The following SORCS3 variants were observed in gnomAD, a reference collection of about 807,000 sequenced individuals.
SORCS3 encodes the protein VPS10 domain-containing receptor SorCS3.
SORCS3 carries 57 observed loss-of-function variants against 146.3 expected under a neutral mutation model. The ratio of observed to expected loss-of-function variants is 0.39; its 90% CI spans 0.31 to 0.49. The LOEUF (loss-of-function observed/expected upper bound fraction) is 0.49. SORCS3 is among the 20% of genes least tolerant of loss of function. SORCS3 has a pLI of 0.92. For synonymous variants in SORCS3, 653 were observed against 618.5 expected (o/e 1.06, Z -0.83); for missense variants, 1,341 against 1,575.5 (o/e 0.85, Z 2.52).
At chr10:104,965,480 T>C (rs1048617198) in intron 3 of SORCS3, among the ~76,000 whole-genome samples, 1 of 152,242 alleles carries the variant, frequency 6.6e-6, no homozygotes, top group Admixed American at 6.5e-5. Flanking sequence ...TTTTAATTAT[T>C]TGTTGAACCA....
chr10:105,047,842 G>A (rs994526224), intron 5 of SORCS3, among the ~76,000 whole-genome samples: 1 of 152,076 alleles, frequency 6.6e-6, no homozygotes, highest in African/African-American at 2.4e-5. Flanking sequence ...TGAGGGAAGG[G>A]AGGAAGAATG....
intron 17 of SORCS3, among the ~76,000 whole-genome samples, chr10:105,212,418 GT>G (rs1413309346): frequency 6.6e-6 from 1 of 152,192 alleles, no homozygotes; most frequent in Non-Finnish European, 1.5e-5. Context: ...AGGAAAGGGA[GT>G]ATTATGCGCA....
chr10:105,220,181 G>T (rs2056692220), intron 19 of SORCS3, among the ~76,000 whole-genome samples: 1 of 152,014 alleles, frequency 6.6e-6, no homozygotes, highest in East Asian at 1.9e-4. Context: ...TTGATCCTTG[G>T]TTTGTCTCCA....
chr10:105,166,953 G>T (rs541731548), intron 12 of SORCS3, among the ~76,000 whole-genome samples: 1 of 152,126 alleles, frequency 6.6e-6, no homozygotes, highest in South Asian at 2.1e-4. Flanking sequence ...TCATACTTCC[G>T]TTGGGTTACC....
intron 2 of SORCS3, among the ~76,000 whole-genome samples, chr10:104,852,934 C>T (rs1410062810): frequency 6.6e-6 from 1 of 152,190 alleles, no homozygotes; most frequent in South Asian, 2.1e-4. Context: ...TGGAGCTGTG[C>T]TTGAGATAAG....
chr10:104,898,619 T>C (rs1479999200), intron 2 of SORCS3, among the ~76,000 whole-genome samples: 1 of 152,226 alleles, frequency 6.6e-6, no homozygotes, highest in Non-Finnish European at 1.5e-5. Flanking sequence ...CAGCCTTTAT[T>C]CATTGACTGA....
At chr10:105,136,417 T>C (rs547200873) in intron 7 of SORCS3, among the ~76,000 whole-genome samples, 1 of 152,334 alleles carries the variant, frequency 6.6e-6, no homozygotes, top group South Asian at 2.1e-4. Context: ...CACCTCTTAA[T>C]ACTGTTGCAT....
intron 1 of SORCS3, among the ~76,000 whole-genome samples, chr10:104,762,749 A>G (rs2017136502): frequency 6.6e-6 from 1 of 152,188 alleles, no homozygotes; most frequent in Non-Finnish European, 1.5e-5. Context: ...TCCTGGTGCC[A>G]TGTAAGACAT....
intron 14 of SORCS3, among the ~76,000 whole-genome samples, chr10:105,178,616 AAC>A (rs2056423439): frequency 6.6e-6 from 1 of 151,478 alleles, no homozygotes; most frequent in South Asian, 2.1e-4. Flanking sequence ...CACACACACA[AAC>A]ACACACAGAC....
intron 25 of SORCS3, among the ~76,000 whole-genome samples, chr10:105,260,964 T>C (rs1055069159): frequency 6.6e-6 from 1 of 152,166 alleles, no homozygotes; most frequent in Non-Finnish European, 1.5e-5. Context: ...TTGACAAATA[T>C]AGTATAGTAA....
At chr10:105,215,038 C>T (rs575056489) in intron 18 of SORCS3, among the ~76,000 whole-genome samples, 1 of 152,296 alleles carries the variant, frequency 6.6e-6, no homozygotes, top group South Asian at 2.1e-4. Flanking sequence ...GCCCACAAAG[C>T]TTTCACAAGG....
At chr10:105,034,014 A>C (rs1176617221) in intron 4 of SORCS3, among the ~76,000 whole-genome samples, 2 of 152,188 alleles carry the variant, frequency 1.3e-5, no homozygotes, top group Non-Finnish European at 2.9e-5. Context: ...CATACCTGGC[A>C]CAGTATTAAG....
At chr10:105,104,608 A>G (rs878867183) in intron 6 of SORCS3, among the ~76,000 whole-genome samples, 1 of 152,248 alleles carries the variant, frequency 6.6e-6, no homozygotes, top group Non-Finnish European at 1.5e-5. Flanking sequence ...TGTTGTAAAA[A>G]TAATAAAAAT....
chr10:105,057,016 A>G (rs1327626495), intron 5 of SORCS3, among the ~76,000 whole-genome samples: 2 of 152,212 alleles, frequency 1.3e-5, no homozygotes, highest in East Asian at 1.9e-4. Context: ...TAGTGGCAGA[A>G]TATTCCACTG....
At chr10:105,181,512 C>T (rs998492712) in intron 14 of SORCS3, among the ~76,000 whole-genome samples, 5 of 152,084 alleles carry the variant, frequency 3.3e-5, no homozygotes, top group African/African-American at 4.8e-5. Flanking sequence ...GCCCAATTTC[C>T]ACTTTTCCTG....
chr10:105,257,073 T>G (rs934599127), intron 25 of SORCS3, 149 bp downstream of exon 25: 8 of 659,524 alleles, frequency 1.2e-5, no homozygotes, highest in African/African-American at 3.6e-5. Flanking sequence ...GCAAGAATGG[T>G]TGAGGGTCAT....
intron 8 of SORCS3, among the ~76,000 whole-genome samples, chr10:105,145,388 C>T (rs1157763697): frequency 6.6e-6 from 1 of 152,092 alleles, no homozygotes; most frequent in Non-Finnish European, 1.5e-5. Flanking sequence ...CCAGGTGACA[C>T]AGCCCCGGGA....
chr10:104,820,910 C>T (rs904598564), intron 1 of SORCS3, among the ~76,000 whole-genome samples: 2 of 152,112 alleles, frequency 1.3e-5, no homozygotes, highest in African/African-American at 4.8e-5. Flanking sequence ...TGATTTTGAT[C>T]TGAGGCTTAA....
At chr10:105,204,213 A>G (rs1390547913) in intron 16 of SORCS3, among the ~76,000 whole-genome samples, 1 of 152,144 alleles carries the variant, frequency 6.6e-6, no homozygotes, top group Non-Finnish European at 1.5e-5. Context: ...TCTTGGATAT[A>G]GGTTACTTGA....
Sources: gnomAD v4.1 joint callset for allele counts (sites outside exome capture counted in the v4.1 genomes callset) on GRCh38, gnomAD v4.1.1 for gene constraint, MANE v1.5 for transcripts, NCBI Gene and HGNC (gene_info 2026-07-23, HGNC 2026-07-21) for gene names.